RBM33: variants seen among roughly 807,000 people sequenced by gnomAD.
RBM33 encodes the protein RNA-binding protein 33.
Under a neutral mutation model 132.6 loss-of-function variants are expected in RBM33, and 28 were observed. That is an observed-to-expected ratio of 0.21 (90% CI 0.16 to 0.29). The LOEUF is 0.29. Among genes scored for constraint, RBM33 ranks in the 10% least tolerant of loss-of-function variants. RBM33 has a pLI of 1.00. For synonymous variants in RBM33, 634 were observed against 593.0 expected, an observed-to-expected ratio of 1.07 and a Z score of -1.01; for missense variants, 1,291 against 1,518.5, an observed-to-expected ratio of 0.85 and a Z score of 2.49.
intron 7 of RBM33, 90 bp from the exon 8 acceptor site, chr7:155,711,113 T>G: frequency 7.1e-7 from 1 of 1,413,958 alleles, no homozygotes; most frequent in Non-Finnish European, 9.3e-7. Flanking sequence ...TTGTAACACA[T>G]CAGCATTCTT....
intron 1 of RBM33, among the ~76,000 whole-genome samples, chr7:155,660,522 G>C (rs1449963866): frequency 6.6e-6 from 1 of 152,230 alleles, no homozygotes; most frequent in Non-Finnish European, 1.5e-5. Context: ...CTTTATGAAA[G>C]ATCATGTTGG....
chr7:155,658,776 C>A (rs1258492679), intron 1 of RBM33, among the ~76,000 whole-genome samples: 1 of 152,200 alleles, frequency 6.6e-6, no homozygotes, highest in East Asian at 1.9e-4. Flanking sequence ...AGATGCCAGT[C>A]CTTCCAGTGG....
chr7:155,701,499 A>G (rs1212715034), intron 6 of RBM33: 1 of 154,126 alleles, frequency 6.5e-6, no homozygotes, highest in Non-Finnish European at 1.4e-5. Context: ...TGATTCACGG[A>G]GACTTTTAAT....
intron 8 of RBM33, among the ~76,000 whole-genome samples, chr7:155,718,057 G>C (rs1439874970): frequency 6.6e-6 from 1 of 152,184 alleles, no homozygotes; most frequent in African/African-American, 2.4e-5. Context: ...TGGATTATCT[G>C]TATAGGGATA....
chr7:155,747,154 C>T (rs1160667199), intron 14 of RBM33, among the ~76,000 whole-genome samples: 3 of 152,164 alleles, frequency 2.0e-5, no homozygotes, highest in East Asian at 3.8e-4. Context: ...TCTGTTTTCT[C>T]ACATCTATTC....
At chr7:155,735,017 G>A (rs1801069088) in intron 9 of RBM33, among the ~76,000 whole-genome samples, 2 of 152,178 alleles carry the variant, frequency 1.3e-5, no homozygotes. Flanking sequence ...TTACGATGGG[G>A]TTACATTAGG....
intron 1 of RBM33, among the ~76,000 whole-genome samples, chr7:155,661,264 G>A (rs980609851): frequency 5.3e-5 from 8 of 149,660 alleles, no homozygotes; most frequent in African/African-American, 2.0e-4. Flanking sequence ...TCAACCTCCC[G>A]AGTAGCTGGG....
At chr7:155,751,213 T>G (rs1411321452) in intron 14 of RBM33, among the ~76,000 whole-genome samples, 1 of 152,180 alleles carries the variant, frequency 6.6e-6, no homozygotes, top group Non-Finnish European at 1.5e-5. Flanking sequence ...GATTCACCAG[T>G]TGTTTACATT....
intron 6 of RBM33, chr7:155,701,300 C>T (rs1413909660): frequency 2.5e-5 from 9 of 359,866 alleles, no homozygotes; most frequent in East Asian, 4.5e-5. Context: ...TTCCCAAGAC[C>T]CTGAGGTTGT....
At chr7:155,670,628 G>A (rs1446887745) in intron 2 of RBM33, among the ~76,000 whole-genome samples, 1 of 152,158 alleles carries the variant, frequency 6.6e-6, no homozygotes, top group African/African-American at 2.4e-5. Flanking sequence ...TTTGAAAATG[G>A]CAACGGTGTG....
intron 5 of RBM33, among the ~76,000 whole-genome samples, chr7:155,690,660 CTGG>C (rs1799611777): frequency 6.6e-6 from 1 of 152,096 alleles, no homozygotes; most frequent in Non-Finnish European, 1.5e-5. Context: ...TAGGGCAGGC[CTGG>C]TGGTGACAAA....
intron 14 of RBM33, among the ~76,000 whole-genome samples, chr7:155,762,518 A>T (rs954384347): frequency 6.6e-6 from 1 of 152,224 alleles, no homozygotes; most frequent in Non-Finnish European, 1.5e-5. Context: ...AGATTTGCAG[A>T]CATTTTCATG....
chr7:155,771,553 C>T (rs1802426592), intron 16 of RBM33, among the ~76,000 whole-genome samples: 1 of 152,094 alleles, frequency 6.6e-6, no homozygotes, highest in Non-Finnish European at 1.5e-5. Context: ...TCAATCAAAT[C>T]GAGGTTTTTA....
chr7:155,697,856 T>G (rs1301423572), intron 5 of RBM33, among the ~76,000 whole-genome samples: 1 of 152,192 alleles, frequency 6.6e-6, no homozygotes, highest in African/African-American at 2.4e-5. Flanking sequence ...GTATTAAGGA[T>G]TAAAAATAAA....
rs767186646 is a variant in RBM33, at chr7:155,776,529, T to C, written c.*1488T>C. 13 of 152,270 alleles carry C rather than the reference T, an allele frequency of 8.5e-5. No individual in the cohort carries two copies. The highest frequency in any genetic ancestry group is 1.9e-4 in the Non-Finnish European group (13 of 68,050). 9.4% of individuals were successfully genotyped at this position (152,270 alleles called of 1,614,324 possible). On this transcript the variant is annotated 3_prime_UTR_variant, in exon 18 of 18. Transcript: ENST00000401878. This position sits in a 1 kb window ranked among gnomAD's most constrained non-coding sequence, Gnocchi z 4.0. ...AAGTTACCAAAACAAACTGAAGAGC[T>C]GAAGCAGGTCTTCCAGACCCTGCGA...
chr7:155,658,106 T>G (rs998560585), intron 1 of RBM33, among the ~76,000 whole-genome samples: 3 of 152,288 alleles, frequency 2.0e-5, no homozygotes, highest in African/African-American at 7.2e-5. Flanking sequence ...CTCCCTTCAT[T>G]TTTGTCAACA....
Position 155,763,841 on chromosome 7 carries a change from A to T in RBM33, c.3009A>T (p.Pro1003=). ...GGGESDGFFH[P]EGQPQRLPQP... is the part of the protein sequence containing the mutation. ...GAGAGAGCGATGGCTTTTTTCACCC[A>T]GAAGGCCAGCCCCAGCGGCTTCCCC... The change falls in exon 15 of 18, where the codon CCA becomes CCT. Residue 1003 remains proline (P), a synonymous_variant. Transcript: ENST00000401878. 6.2e-7 allele frequency: 1 copy of T among 1,612,008 alleles called. No homozygotes were observed. The highest frequency in any genetic ancestry group is 8.5e-7 in the Non-Finnish European group (1 of 1,179,094).
chr7:155,719,571 G>GT lies in RBM33; in HGVS notation c.1260+1133dup, dbSNP rs1313076121. Among the ~76,000 whole-genome samples the GT allele has an allele frequency of 2.6e-5, 4 of 152,200 alleles. No individual in the cohort carries two copies. In the East Asian group the frequency reaches 7.7e-4, roughly 29 times the overall value. On this transcript the variant is annotated intron_variant, in intron 9 of 17. Transcript: ENST00000401878. ...ATTTACCAAGTTCTAAAAATTAGTTGTTTTTAAAACATTAGATGATATTTA... is the reference window on the plus strand; with the variant it reads ...ATTTACCAAGTTCTAAAAATTAGTTGTTTTTTAAAACATTAGATGATATTTA...
At position 155,777,466 on chromosome 7, in the gene RBM33, C is replaced by G. The variant is rs1235680896; in HGVS notation, c.*2425C>G. ...AATCCCAGTAATGAAGGTTTAGTTT[C>G]CTTGAAGGAAACTACAGAAAAGGAA... On this transcript the variant is annotated 3_prime_UTR_variant, in exon 18 of 18. Coordinates refer to ENST00000401878, the MANE Select transcript of RBM33 (RefSeq NM_053043.3). The G allele has an allele frequency of 6.6e-6, 1 of 152,132 alleles. No individual in the cohort carries two copies. The highest frequency in any genetic ancestry group is 2.4e-5 in the African/African-American group (1 of 41,408). The allele number at this position is 152,132 out of a possible 1,614,324, so 9.4% of individuals were successfully genotyped here. A position where few individuals can be genotyped will look rare whatever the true frequency, so the allele number is the denominator to read the frequency against.
Sources: allele counts gnomAD v4.1 joint callset (sites outside exome capture counted in the v4.1 genomes callset), GRCh38; gene constraint gnomAD v4.1.1; non-coding constraint Gnocchi (gnomAD v3.1); transcripts MANE v1.5; gene names NCBI Gene and HGNC (gene_info 2026-07-23, HGNC 2026-07-21).